ITGA6: variants seen among roughly 807,000 people sequenced by gnomAD.
The protein encoded by ITGA6 is integrin subunit alpha 6.
A neutral mutation model predicts 133.6 loss-of-function variants in ITGA6; 63 were observed. The ratio of observed to expected loss-of-function variants is 0.47; its 90% CI spans 0.38 to 0.58. ITGA6 has a LOEUF of 0.58. Ranked by LOEUF, ITGA6 falls within the 20% of genes least tolerant of loss-of-function variation. The probability of loss-of-function intolerance (pLI) is 0.00; values close to 1 mark genes in which losing one functional copy is unlikely to be tolerated. For missense variants in ITGA6, 1,068 were observed against 1,309.4 expected (o/e 0.82, Z 2.85); for synonymous variants, 434 against 482.0 (o/e 0.90, Z 1.30).
chr2:172,479,780 C>T (rs1174378803), intron 10 of ITGA6, 41 bp downstream of exon 10: 1 of 1,533,122 alleles, frequency 6.5e-7, no homozygotes, highest in Non-Finnish European at 9.0e-7. Flanking sequence ...CCTCAGTTTC[C>T]CACCTCCACT....
At chr2:172,462,254 C>T (rs905451931) in intron 1 of ITGA6, among the ~76,000 whole-genome samples, 5 of 152,198 alleles carry the variant, frequency 3.3e-5, no homozygotes, top group Admixed American at 6.5e-5. Flanking sequence ...CTTCCTCCCA[C>T]GGCTGCCCAG....
Position 172,484,890 on chromosome 2 carries a change from C to T in ITGA6, c.1658C>T (p.Thr553Ile). 6.2e-7 allele frequency: 1 copy of T among 1,614,132 alleles called. No individual in the cohort carries two copies. The highest frequency in any genetic ancestry group is 8.5e-7 in the Non-Finnish European group (1 of 1,179,982). ...GSEPKYTQEL[T>I]LKRQKQKVCM... ...GAGCCCAAATATACTCAAGAACTAA[C>T]TCTGAAGAGGCAGAAACAGAAAGTG... Residue 553 changes from threonine (T) to isoleucine (I), a missense_variant, in exon 12 of 26, where the codon ACT becomes ATT. Thr to Ile is a moderately conservative substitution (Grantham distance 89). Coordinates refer to ENST00000684293, the MANE Select transcript of ITGA6 (RefSeq NM_000210.4).
rs533817182 is a variant in ITGA6, at chr2:172,439,462, A to G, written c.182+11492A>G. ...AATAGAATATCTTTGGAATTTTGCA[A>G]AAGTGTGAGTCATCAGGACTTGAGC... is the stretch of plus-strand genomic sequence containing the variant. On this transcript the variant is annotated intron_variant, in intron 1 of 25. Coordinates refer to ENST00000684293, the MANE Select transcript of ITGA6 (RefSeq NM_000210.4). 1.8e-4 allele frequency among the ~76,000 whole-genome samples: 28 copies of G among 151,974 alleles called. 1 individual carries two copies. Among genetic ancestry groups the G allele is most frequent in the African/African-American group, 6.3e-4 (26 of 41,566 alleles).
Position 172,463,088 on chromosome 2 carries a change from C to G in ITGA6, c.183-2451C>G, listed in dbSNP as rs574826848. Among the ~76,000 whole-genome samples the G allele has an allele frequency of 5.3e-5, 8 of 152,318 alleles. No homozygotes were observed. In the East Asian group the frequency reaches 1.4e-3, roughly 26 times the overall value. Reference sequence around the variant, plus strand: ...CCCTGTGGTTTCATGACCTCATGACCTGTTCACGGATCAGGCTTCCCCAGG... The same window carrying G: ...CCCTGTGGTTTCATGACCTCATGACGTGTTCACGGATCAGGCTTCCCCAGG... On this transcript the variant is annotated intron_variant, in intron 1 of 25. Transcript: ENST00000684293.
chr2:172,477,293 C>G (rs1233896183), intron 9 of ITGA6, among the ~76,000 whole-genome samples: 2 of 152,182 alleles, frequency 1.3e-5, no homozygotes, highest in Non-Finnish European at 1.5e-5. Context: ...GTGTTTGAGT[C>G]TCCCTTTAAC....
intron 25 of ITGA6, 91 bp from the exon 26 acceptor site, chr2:172,504,000 T>C (rs1057468304): frequency 1.0e-5 from 10 of 993,064 alleles, no homozygotes; most frequent in African/African-American, 1.7e-5. Flanking sequence ...GAGGTAGACA[T>C]AGCTGAACAG....
Position 172,467,531 on chromosome 2 carries a change from C to T in ITGA6, c.358C>T (p.Gln120Ter). The change falls in exon 3 of 26, where the codon CAG (glutamine) becomes TAG (stop). Residue 120 changes from glutamine (Q) to a stop codon, truncating the protein, a stop_gained. Transcript: ENST00000684293. LOFTEE classifies it high-confidence loss of function. Reference sequence around the variant, plus strand: ...AGATCAGTGGATGGGGGTCACCGTCCAGAGCCAAGGTCCAGGGGGCAAGGT... The same window carrying T: ...AGATCAGTGGATGGGGGTCACCGTCTAGAGCCAAGGTCCAGGGGGCAAGGT... ...KEDQWMGVTV[Q>*]SQGPGGKVVT... 6.2e-7 allele frequency: 1 copy of T among 1,613,800 alleles called. No individual in the cohort carries two copies. Among genetic ancestry groups the T allele is most frequent in the Non-Finnish European group, 8.5e-7 (1 of 1,179,774 alleles).
chr2:172,445,982 A>C (rs1446974676), intron 1 of ITGA6, among the ~76,000 whole-genome samples: 1 of 152,242 alleles, frequency 6.6e-6, no homozygotes, highest in East Asian at 1.9e-4. Context: ...CATCCAGCTA[A>C]AGAGGGAGGT....
chr2:172,429,627 C>G (rs1435412898), intron 1 of ITGA6, among the ~76,000 whole-genome samples: 1 of 152,210 alleles, frequency 6.6e-6, no homozygotes, highest in African/African-American at 2.4e-5. Context: ...AGCATGCTTG[C>G]TAAAACTTGT....
chr2:172,430,039 C>T (rs904030310), intron 1 of ITGA6, among the ~76,000 whole-genome samples: 1 of 152,228 alleles, frequency 6.6e-6, no homozygotes, highest in Non-Finnish European at 1.5e-5. Context: ...TGGAAAAACT[C>T]AGTGGGGGTC....
At chr2:172,486,307 A>C (rs986016571) in intron 13 of ITGA6, among the ~76,000 whole-genome samples, 3 of 151,904 alleles carry the variant, frequency 2.0e-5, no homozygotes, top group Non-Finnish European at 4.4e-5. Flanking sequence ...TGATGCTTAC[A>C]TCTGCATATT....
At position 172,490,156 on chromosome 2, in the gene ITGA6, A is replaced by G. The variant is rs540334104; in HGVS notation, c.2679+498A>G. Among the ~76,000 whole-genome samples, 13 of 152,182 alleles carry G rather than the reference A, an allele frequency of 8.5e-5. No individual in the cohort carries two copies. The East Asian group carries it at 2.1e-3, about 25-fold the overall frequency. On this transcript the variant is annotated intron_variant, in intron 20 of 25. Coordinates refer to ENST00000684293, the MANE Select transcript of ITGA6 (RefSeq NM_000210.4). ...CTAAGCATTTTGTTTTCATTTTCTCATTTCATTCTCTGGATGGTCCTATGA... is the reference window on the plus strand; with the variant it reads ...CTAAGCATTTTGTTTTCATTTTCTCGTTTCATTCTCTGGATGGTCCTATGA...
chr2:172,486,176 CAAAAAAAAAAAA>C lies in ITGA6; in HGVS notation c.1855-837_1855-826del, dbSNP rs67271824. ...GGCAAAAAGAGTAAGACTCTATCTC[CAAAAAAAAAAAA>C]AAAAAAAAACAACTAATTGATGATG... is the stretch of plus-strand genomic sequence containing the variant. On this transcript the variant is annotated intron_variant, in intron 13 of 25. Coordinates refer to ENST00000684293, the MANE Select transcript of ITGA6 (RefSeq NM_000210.4). 6.5e-5 allele frequency among the ~76,000 whole-genome samples: 5 copies of C among 77,334 alleles called. No individual in the cohort carries two copies. In the South Asian group the frequency reaches 2.5e-3, roughly 39 times the overall value. The allele number at this position is 77,334 out of a possible 152,430, so 50.7% of individuals were successfully genotyped here.
intron 2 of ITGA6, among the ~76,000 whole-genome samples, chr2:172,467,257 A>G (rs759398479): frequency 6.6e-6 from 1 of 152,234 alleles, no homozygotes; most frequent in African/African-American, 2.4e-5. Context: ...ATAGGCAACT[A>G]TATAGAGCTA....
rs1289201240 is a variant in ITGA6, at chr2:172,505,215, T to C, written c.*1147T>C. 1 of 152,506 alleles carries C rather than the reference T, an allele frequency of 6.6e-6. No individual in the cohort carries two copies. Among genetic ancestry groups the C allele is most frequent in the Non-Finnish European group, 1.5e-5 (1 of 68,030 alleles). 9.4% of individuals were successfully genotyped at this position (152,506 alleles called of 1,614,324 possible). On this transcript the variant is annotated 3_prime_UTR_variant, in exon 26 of 26. Transcript: ENST00000684293. Reference sequence around the variant, plus strand: ...ATATTTTTTACTTTAGAAGCCTGCATAATGTTTCTGGATTTCATACTGTAA... The same window carrying C: ...ATATTTTTTACTTTAGAAGCCTGCACAATGTTTCTGGATTTCATACTGTAA...
chr2:172,472,819 T>C (rs1216231292), intron 5 of ITGA6: 1 of 1,612,706 alleles, frequency 6.2e-7, no homozygotes. Flanking sequence ...CCTGATCAGT[T>C]TGTTTATAAA....
chr2:172,499,186 T>C (rs1332801457), intron 24 of ITGA6, among the ~76,000 whole-genome samples: 1 of 152,216 alleles, frequency 6.6e-6, no homozygotes, highest in Non-Finnish European at 1.5e-5. Flanking sequence ...GACTGACTTT[T>C]GCAAATTTGA....
chr2:172,469,529 T>G (rs932788296), intron 4 of ITGA6, 149 bp downstream of exon 4: 85 of 736,680 alleles, frequency 1.2e-4, no homozygotes, highest in Admixed American at 1.7e-4. Flanking sequence ...GATATGATTT[T>G]TAAAAGCTAA....
intron 1 of ITGA6, among the ~76,000 whole-genome samples, chr2:172,433,104 G>A (rs1206338826): frequency 3.9e-5 from 6 of 152,156 alleles, no homozygotes; most frequent in African/African-American, 9.7e-5. Context: ...TAAAGATTAC[G>A]TACTGCAGCA....
Sources: allele counts gnomAD v4.1 joint callset (sites outside exome capture counted in the v4.1 genomes callset), GRCh38; gene constraint gnomAD v4.1.1; transcripts MANE v1.5; gene names NCBI Gene and HGNC (gene_info 2026-07-23, HGNC 2026-07-21).